PPFIA2: variants seen among roughly 807,000 people sequenced by gnomAD.
PPFIA2 encodes liprin-alpha-2.
A neutral mutation model predicts 175.5 loss-of-function variants in PPFIA2; 46 were observed. The observed-to-expected ratio is 0.26, with a 90% CI of 0.21 to 0.34. PPFIA2 has a LOEUF of 0.34. Among genes scored for constraint, PPFIA2 ranks in the 10% least tolerant of loss-of-function variants. The pLI is 1.00. For synonymous variants in PPFIA2, 568 were observed against 511.4 expected, an observed-to-expected ratio of 1.11 and a Z score of -1.49; for missense variants, 1,179 against 1,506.1, an observed-to-expected ratio of 0.78 and a Z score of 3.60.
At chr12:81,353,704 T>C (rs1406354405) in intron 16 of PPFIA2, among the ~76,000 whole-genome samples, 2 of 151,106 alleles carry the variant, frequency 1.3e-5, no homozygotes, top group African/African-American at 5.0e-5. Context: ...CGACTTAAAC[T>C]AATTAGTCTT....
intron 23 of PPFIA2, among the ~76,000 whole-genome samples, chr12:81,295,871 C>T (rs2046320122): frequency 6.6e-6 from 1 of 151,854 alleles, no homozygotes. Flanking sequence ...GTGCCTATAA[C>T]TCCAGCTACT....
At chr12:81,463,177 T>G (rs535096295) in intron 4 of PPFIA2, among the ~76,000 whole-genome samples, 1 of 152,170 alleles carries the variant, frequency 6.6e-6, no homozygotes, top group South Asian at 2.1e-4. Flanking sequence ...TAGATCTTTG[T>G]ACAGCAACAT....
intron 4 of PPFIA2, among the ~76,000 whole-genome samples, chr12:81,482,216 A>G (rs906825387): frequency 2.6e-5 from 4 of 152,206 alleles, no homozygotes; most frequent in Non-Finnish European, 5.9e-5. Context: ...TAGAATGGCA[A>G]TTATTAAAAA....
chr12:81,735,742 T>A (rs552616433), intron 3 of PPFIA2, among the ~76,000 whole-genome samples: 12 of 151,848 alleles, frequency 7.9e-5, no homozygotes, highest in Non-Finnish European at 1.6e-4. Flanking sequence ...TATGGGCCAC[T>A]TTGAGTCAAT....
chr12:81,415,213 ATATATATATATATAT>A (rs2044951140), intron 7 of PPFIA2, among the ~76,000 whole-genome samples: 2 of 20,470 alleles, frequency 9.8e-5, no homozygotes, highest in Non-Finnish European at 1.9e-4. Context: ...AAAAAAAAAT[ATATATATATATATAT>A]ATATATATAT....
intron 30 of PPFIA2, among the ~76,000 whole-genome samples, chr12:81,266,198 T>C (rs938540269): frequency 3.9e-5 from 6 of 152,220 alleles, no homozygotes; most frequent in African/African-American, 1.4e-4. Flanking sequence ...GGAACACCTG[T>C]ACTTTGCAAC....
At chr12:81,432,899 A>G (rs1486501037) in intron 7 of PPFIA2, among the ~76,000 whole-genome samples, 3 of 152,152 alleles carry the variant, frequency 2.0e-5, no homozygotes, top group Non-Finnish European at 4.4e-5. Flanking sequence ...ATGTTAACCA[A>G]ACGCATCAAA....
chr12:81,351,199 AC>A (rs2059940634), intron 17 of PPFIA2, among the ~76,000 whole-genome samples: 1 of 152,196 alleles, frequency 6.6e-6, no homozygotes, highest in Admixed American at 6.5e-5. Context: ...TAGCAACAGT[AC>A]ATTTTTTTCA....
intron 5 of PPFIA2, among the ~76,000 whole-genome samples, chr12:81,447,831 C>T (rs909238153): frequency 2.6e-5 from 4 of 152,098 alleles, no homozygotes; most frequent in South Asian, 4.2e-4. Flanking sequence ...ATTTACATAC[C>T]TCATATAGTT....
rs1282619230 is a variant in PPFIA2 at position 81,347,515 on chromosome 12, C to CT, written c.2232+17dup. 1 of 1,568,070 alleles carries CT rather than the reference C, an allele frequency of 6.4e-7. No individual in the cohort carries two copies. Among genetic ancestry groups the CT allele is most frequent in the African/African-American group, 1.4e-5 (1 of 73,808 alleles). On this transcript the variant is annotated intron_variant, in intron 18 of 32. Coordinates refer to ENST00000549396, the MANE Select transcript of PPFIA2 (RefSeq NM_003625.5). ...AATCTTAACAGGAGGCAAAGGTTCT[C>CT]TGGACACATCACCATACCAGTGTCA... is the stretch of plus-strand genomic sequence containing the variant.
intron 17 of PPFIA2, 151 bp downstream of exon 17, chr12:81,352,968 T>C: frequency 1.6e-6 from 1 of 642,608 alleles, no homozygotes; most frequent in Non-Finnish European, 2.7e-6. Flanking sequence ...AAATACACAT[T>C]CTGATTCAGT....
chr12:81,688,283 T>C (rs1251815311), intron 3 of PPFIA2, among the ~76,000 whole-genome samples: 1 of 151,922 alleles, frequency 6.6e-6, no homozygotes, highest in Admixed American at 6.6e-5. Flanking sequence ...TTATATACCA[T>C]GATGTGGGAA....
chr12:81,294,820 C>A lies in PPFIA2; in HGVS notation c.2925+15G>T. The A allele has an allele frequency of 6.2e-7, 1 of 1,609,844 alleles. No individual in the cohort carries two copies. Among genetic ancestry groups the A allele is most frequent in the Non-Finnish European group, 8.5e-7 (1 of 1,177,926 alleles). On this transcript the variant is annotated intron_variant, in intron 24 of 32. Coordinates refer to ENST00000549396, the MANE Select transcript of PPFIA2 (RefSeq NM_003625.5). ...GCCTAGCACTGAGGAAGGGGAGGAG[C>A]AGAAACTGACTCACAGTTCGAGATG...
chr12:81,383,070 C>T (rs2038104822), intron 9 of PPFIA2, among the ~76,000 whole-genome samples: 1 of 151,940 alleles, frequency 6.6e-6, no homozygotes, highest in African/African-American at 2.4e-5. Context: ...GAGAATTGAA[C>T]CTTGGATTCA....
intron 4 of PPFIA2, among the ~76,000 whole-genome samples, chr12:81,541,405 C>T (rs1170177882): frequency 6.6e-6 from 1 of 151,890 alleles, no homozygotes; most frequent in Admixed American, 6.6e-5. Context: ...ATTAATGTTT[C>T]CATAAGAAGG....
intron 4 of PPFIA2, among the ~76,000 whole-genome samples, chr12:81,559,814 TTG>T (rs1491064690): frequency 1.4e-5 from 2 of 142,450 alleles, no homozygotes; most frequent in Non-Finnish European, 3.0e-5. Context: ...GTTTTTTTTT[TTG>T]TTGTTGTTTT....
intron 4 of PPFIA2, among the ~76,000 whole-genome samples, chr12:81,552,574 CTTA>C (rs200671226): frequency 0.015 from 2,231 of 151,996 alleles, 44 homozygotes; most frequent in East Asian, 0.041. Context: ...TCAATAAAAA[CTTA>C]TTATATGTTT....
At chr12:81,568,919 GATAA>G (rs1472733251) in intron 4 of PPFIA2, among the ~76,000 whole-genome samples, 1 of 151,834 alleles carries the variant, frequency 6.6e-6, no homozygotes, top group Non-Finnish European at 1.5e-5. Flanking sequence ...GTTAAATAAA[GATAA>G]ATATTCATAT....
intron 4 of PPFIA2, among the ~76,000 whole-genome samples, chr12:81,648,850 A>T (rs2153529010): frequency 6.6e-6 from 1 of 152,164 alleles, no homozygotes; most frequent in South Asian, 2.1e-4. Context: ...TGGTCACTTG[A>T]TTTTGGCAAA....
Sources: gnomAD v4.1 joint callset for allele counts (sites outside exome capture counted in the v4.1 genomes callset) on GRCh38, gnomAD v4.1.1 for gene constraint, MANE v1.5 for transcripts, NCBI Gene and HGNC (gene_info 2026-07-23, HGNC 2026-07-21) for gene names.